Variants in ZNF69 observed in about 807,000 individuals in gnomAD.
ZNF69 encodes the protein zinc finger protein 69.
Under a neutral mutation model 50.9 loss-of-function variants are expected in ZNF69, and 47 were observed. The observed-to-expected ratio is 0.92, with a 90% CI of 0.73 to 1.18. The LOEUF (loss-of-function observed/expected upper bound fraction) is 1.18, where lower values mean the gene tolerates loss of function less well. Among genes scored for constraint, ZNF69 ranks in the 50% most tolerant of loss-of-function variants. ZNF69 has a pLI of 0.00. For synonymous variants in ZNF69, 216 were observed against 223.1 expected (o/e 0.97, Z 0.29); for missense variants, 717 against 675.1 (o/e 1.06, Z -0.69).
At chr19:11,956,141 T>G in the ZNF69 span, among the ~76,000 whole-genome samples, 3 of 152,192 alleles carry the variant, frequency 2.0e-5, no homozygotes, top group Admixed American at 2.0e-4. Context: ...TTTCAATGAT[T>G]TCATTGGTTG....
At chr19:11,897,958 T>C (rs530145533) in intron 1 of ZNF69, among the ~76,000 whole-genome samples, 1 of 152,156 alleles carries the variant, frequency 6.6e-6, no homozygotes, top group Admixed American at 6.5e-5. Flanking sequence ...TTTAGCAGAC[T>C]GTTGCTGATA....
chr19:11,935,128 A>G, the ZNF69 span, among the ~76,000 whole-genome samples: 2 of 136,556 alleles, frequency 1.5e-5, no homozygotes, highest in African/African-American at 6.1e-5. Context: ...GTGGGCCGAG[A>G]TGGCACCACT....
Position 11,904,722 on chromosome 19 carries a change from G to T in ZNF69, c.325G>T (p.Asp109Tyr). 2 of 1,613,970 alleles carry T rather than the reference G, an allele frequency of 1.2e-6. No homozygotes were observed. Among genetic ancestry groups the T allele is most frequent in the South Asian group, 2.2e-5 (2 of 91,072 alleles). Residue 109 changes from aspartate (D) to tyrosine (Y), a missense_variant, in exon 4 of 4, where the codon GAT becomes TAT. Asp to Tyr is a radical substitution (Grantham distance 160, BLOSUM62 -3). Transcript: ENST00000429654. ...TGGAGAAACTTTTACCCAGGTTCCA[G>T]ATGACAGGCTGAACTTCCAGGAGAA... is the stretch of plus-strand genomic sequence containing the variant. ...HCGETFTQVP[D>Y]DRLNFQEKKA...
At chr19:11,959,459 T>G in the ZNF69 span, among the ~76,000 whole-genome samples, 1 of 152,228 alleles carries the variant, frequency 6.6e-6, no homozygotes, top group South Asian at 2.1e-4. Flanking sequence ...ATTCTTTGTA[T>G]CTTTGTCATC....
chr19:11,966,086 A>T, the ZNF69 span, among the ~76,000 whole-genome samples: 1 of 152,150 alleles, frequency 6.6e-6, no homozygotes, highest in Non-Finnish European at 1.5e-5. Flanking sequence ...CTGTTTCTCG[A>T]GATTTTATGA....
the ZNF69 span, among the ~76,000 whole-genome samples, chr19:11,964,301 T>C: frequency 0.06 from 9,122 of 152,258 alleles, 345 homozygotes; most frequent in Non-Finnish European, 0.08. Flanking sequence ...GTTGTACCTC[T>C]GGAGCCTGGG....
the ZNF69 span, among the ~76,000 whole-genome samples, chr19:11,965,555 G>A: frequency 6.6e-6 from 1 of 152,230 alleles, no homozygotes; most frequent in Non-Finnish European, 1.5e-5. Flanking sequence ...TCGTGCGTGG[G>A]AGGAGCAGTG....
downstream of ZNF69, among the ~76,000 whole-genome samples, chr19:11,910,399 T>C (rs577364724): frequency 6.6e-6 from 1 of 152,292 alleles, no homozygotes; most frequent in South Asian, 2.1e-4. Flanking sequence ...GCTCAAGGCA[T>C]TAGGCTACCT....
the ZNF69 span, among the ~76,000 whole-genome samples, chr19:11,955,743 C>G: frequency 2.0e-5 from 3 of 152,118 alleles, no homozygotes. Context: ...TACAAAGATT[C>G]GGAAAAATAT....
chr19:11,955,382 C>G, the ZNF69 span, among the ~76,000 whole-genome samples: 1 of 147,788 alleles, frequency 6.8e-6, no homozygotes, highest in Admixed American at 6.8e-5. Flanking sequence ...TGGATGATTT[C>G]TTTTTCTTTC....
the ZNF69 span, among the ~76,000 whole-genome samples, chr19:11,970,134 C>T: frequency 6.6e-6 from 1 of 152,226 alleles, no homozygotes; most frequent in African/African-American, 2.4e-5. Flanking sequence ...CCCAACTCCA[C>T]TTTCCATTAA....
At chr19:11,924,172 C>A in the ZNF69 span, among the ~76,000 whole-genome samples, 1 of 152,092 alleles carries the variant, frequency 6.6e-6, no homozygotes, top group East Asian at 1.9e-4. Flanking sequence ...GTGGCTCACG[C>A]CTGTAATCCC....
chr19:11,934,672 G>A, the ZNF69 span, among the ~76,000 whole-genome samples: 14 of 147,186 alleles, frequency 9.5e-5, 2 homozygotes, highest in African/African-American at 3.5e-4. Flanking sequence ...GATTACAGGC[G>A]TGCGCTGCCT....
At chr19:11,941,423 G>C in the ZNF69 span, among the ~76,000 whole-genome samples, 1 of 152,236 alleles carries the variant, frequency 6.6e-6, no homozygotes, top group Admixed American at 6.5e-5. Context: ...ATGGGCTGCA[G>C]GTCCCGAGCC....
the ZNF69 span, chr19:11,950,718 TTAAA>T: frequency 8.9e-3 from 1,855 of 208,294 alleles, 82 homozygotes; most frequent in Admixed American, 0.072. Context: ...GTTATTCTTT[TTAAA>T]TAAGAAGGTA....
the ZNF69 span, chr19:11,978,248 C>T: frequency 6.8e-6 from 11 of 1,614,030 alleles, no homozygotes; most frequent in Non-Finnish European, 8.5e-6. Context: ...CATGTGATAA[C>T]TTTGTATGTG....
chr19:11,923,354 G>C, the ZNF69 span, among the ~76,000 whole-genome samples: 1 of 152,076 alleles, frequency 6.6e-6, no homozygotes, highest in East Asian at 1.9e-4. Flanking sequence ...TTCACGTCCC[G>C]ATTGGGCTTA....
At chr19:11,969,100 GT>G in the ZNF69 span, among the ~76,000 whole-genome samples, 1 of 152,234 alleles carries the variant, frequency 6.6e-6, no homozygotes, top group African/African-American at 2.4e-5. Context: ...TTACTTGGTT[GT>G]TTTTGCTTGT....
At chr19:11,947,431 C>A in the ZNF69 span, 11 of 1,599,570 alleles carry the variant, frequency 6.9e-6, no homozygotes, top group Non-Finnish European at 9.4e-6. Context: ...GGCATGGCTG[C>A]AGTAAATCAT....
Sources: gnomAD v4.1 joint callset for allele counts (sites outside exome capture counted in the v4.1 genomes callset) on GRCh38, gnomAD v4.1.1 for gene constraint, MANE v1.5 for transcripts, NCBI Gene and HGNC (gene_info 2026-07-23, HGNC 2026-07-21) for gene names.